TDRD5: variants seen among roughly 807,000 people sequenced by gnomAD.
TDRD5 encodes tudor domain-containing protein 5.
Under a neutral mutation model 120.6 loss-of-function variants are expected in TDRD5, and 41 were observed. The ratio of observed to expected loss-of-function variants is 0.34; its 90% CI spans 0.26 to 0.44. The LOEUF (loss-of-function observed/expected upper bound fraction) is 0.44, where lower values mean the gene tolerates loss of function less well. TDRD5 is among the 20% of genes least tolerant of loss of function. The pLI, the probability that TDRD5 is intolerant of heterozygous loss-of-function variation, is 1.00. For missense variants in TDRD5, 1,006 were observed against 1,221.2 expected (o/e 0.82, Z 2.63); for synonymous variants, 430 against 433.7 (o/e 0.99, Z 0.11).
intron 17 of TDRD5, among the ~76,000 whole-genome samples, chr1:179,684,094 G>T (rs868653564): frequency 3.3e-5 from 5 of 151,792 alleles, no homozygotes; most frequent in Admixed American, 3.3e-4. Context: ...CATGTGCACA[G>T]CGTGCAGGTT....
chr1:179,597,695 G>A (rs1369919412), intron 4 of TDRD5, among the ~76,000 whole-genome samples: 1 of 151,892 alleles, frequency 6.6e-6, no homozygotes, highest in Non-Finnish European at 1.5e-5. Context: ...TTTCTCCTAC[G>A]TTTTTCTTGA....
intron 4 of TDRD5, among the ~76,000 whole-genome samples, chr1:179,596,263 G>C (rs1473050537): frequency 6.6e-6 from 1 of 152,124 alleles, no homozygotes; most frequent in African/African-American, 2.4e-5. Context: ...AACAACTTAA[G>C]TTAGAGCTCA....
chr1:179,630,526 T>C (rs904454631), intron 6 of TDRD5, among the ~76,000 whole-genome samples: 2 of 152,186 alleles, frequency 1.3e-5, no homozygotes, highest in Non-Finnish European at 2.9e-5. Context: ...GTGCCCACCC[T>C]AACTTTTACT....
chr1:179,650,817 AT>A, intron 11 of TDRD5, 49 bp from the exon 12 acceptor site: 7 of 1,578,312 alleles, frequency 4.4e-6, no homozygotes, highest in Non-Finnish European at 6.1e-6. Flanking sequence ...GGTTATTATA[AT>A]TCATGTTTAG....
intron 13 of TDRD5, among the ~76,000 whole-genome samples, chr1:179,652,924 A>G (rs1253702069): frequency 6.6e-6 from 1 of 152,228 alleles, no homozygotes; most frequent in Non-Finnish European, 1.5e-5. Flanking sequence ...AGCTATGCAT[A>G]TAATGTATAT....
At chr1:179,618,941 T>C (rs1459132871) in intron 5 of TDRD5, among the ~76,000 whole-genome samples, 3 of 152,204 alleles carry the variant, frequency 2.0e-5, no homozygotes, top group Non-Finnish European at 2.9e-5. Flanking sequence ...TAGATCACTG[T>C]TGACAAACAG....
At chr1:179,662,999 T>A (rs1679390871) in intron 15 of TDRD5, among the ~76,000 whole-genome samples, 1 of 152,178 alleles carries the variant, frequency 6.6e-6, no homozygotes, top group Admixed American at 6.5e-5. Flanking sequence ...ATTTGAAATT[T>A]ATTTTCCACT....
chr1:179,689,525 GTCCGTTC>G (rs1680982935), intron 17 of TDRD5, among the ~76,000 whole-genome samples: 1 of 152,194 alleles, frequency 6.6e-6, no homozygotes, highest in Non-Finnish European at 1.5e-5. Context: ...GAGGCAGTCT[GTCCGTTC>G]TCAGATTTCA....
chr1:179,689,512 C>T (rs565374763), intron 17 of TDRD5, among the ~76,000 whole-genome samples: 5 of 152,332 alleles, frequency 3.3e-5, no homozygotes, highest in East Asian at 1.9e-4. Flanking sequence ...GGACCCACTT[C>T]AGGAGGCAGT....
At chr1:179,594,405 G>A (rs1675278141) in intron 3 of TDRD5, among the ~76,000 whole-genome samples, 4 of 152,168 alleles carry the variant, frequency 2.6e-5, no homozygotes, top group Admixed American at 2.6e-4. Flanking sequence ...AAGTAACTGT[G>A]TCTTATAGAT....
chr1:179,618,413 C>T (rs1676669985), intron 4 of TDRD5, among the ~76,000 whole-genome samples, 186 bp from the exon 5 acceptor site: 1 of 152,122 alleles, frequency 6.6e-6, no homozygotes. Flanking sequence ...CATAATGATT[C>T]TATCTACTCT....
chr1:179,662,741 G>C (rs186051723), intron 15 of TDRD5, among the ~76,000 whole-genome samples: 9 of 152,216 alleles, frequency 5.9e-5, no homozygotes, highest in Admixed American at 2.0e-4. Context: ...TTAAAAAATG[G>C]CAGTGACATG....
At chr1:179,639,145 T>C (rs1212074878) in intron 9 of TDRD5, among the ~76,000 whole-genome samples, 1 of 152,182 alleles carries the variant, frequency 6.6e-6, no homozygotes, top group East Asian at 1.9e-4. Context: ...GCAAGAACAA[T>C]AGCTAATATT....
chr1:179,613,031 G>C (rs1285715570), intron 4 of TDRD5, among the ~76,000 whole-genome samples: 1 of 151,714 alleles, frequency 6.6e-6, no homozygotes, highest in Non-Finnish European at 1.5e-5. Context: ...TTCACCATGA[G>C]ATTAAGGTAG....
chr1:179,647,687 C>A (rs1225273921), intron 11 of TDRD5, among the ~76,000 whole-genome samples: 427 of 151,224 alleles, frequency 2.8e-3, no homozygotes, highest in South Asian at 4.2e-3. Context: ...AAATTTTCGC[C>A]ACCTACTCAT....
At chr1:179,655,061 T>G (rs1366671227) in intron 14 of TDRD5, among the ~76,000 whole-genome samples, 1 of 152,196 alleles carries the variant, frequency 6.6e-6, no homozygotes, top group African/African-American at 2.4e-5. Context: ...CCTTCCCCTA[T>G]ATTTCCTGTT....
At chr1:179,615,004 G>A (rs998684989) in intron 4 of TDRD5, among the ~76,000 whole-genome samples, 2 of 152,050 alleles carry the variant, frequency 1.3e-5, no homozygotes, top group Non-Finnish European at 2.9e-5. Flanking sequence ...GAAAGTTTGT[G>A]TCCTTTGGCC....
At chr1:179,669,518 C>G (rs563205799) in intron 17 of TDRD5, 114 bp downstream of exon 17, 2 of 1,134,688 alleles carry the variant, frequency 1.8e-6, no homozygotes, top group East Asian at 5.0e-5. Flanking sequence ...ACATTACTGA[C>G]GTTAGCATTT....
chr1:179,687,088 TTGAATG>T (rs1309168505), intron 17 of TDRD5, among the ~76,000 whole-genome samples: 1 of 152,218 alleles, frequency 6.6e-6, no homozygotes, highest in Non-Finnish European at 1.5e-5. Context: ...CTGCTAGCTT[TTGAATG>T]TGTTTGCTCT....
Sources: gnomAD v4.1 joint callset for allele counts (sites outside exome capture counted in the v4.1 genomes callset) on GRCh38, gnomAD v4.1.1 for gene constraint, MANE v1.5 for transcripts, NCBI Gene and HGNC (gene_info 2026-07-23, HGNC 2026-07-21) for gene names.